Variants in MARCHF7 observed in about 807,000 individuals in gnomAD.
The protein encoded by MARCHF7 is E3 ubiquitin-protein ligase MARCHF7.
MARCHF7 carries 20 observed loss-of-function variants against 76.5 expected under a neutral mutation model. That is an observed-to-expected ratio of 0.26 (90% CI 0.18 to 0.38). The LOEUF is 0.38. Ranked by LOEUF, MARCHF7 falls within the 10% of genes least tolerant of loss-of-function variation. MARCHF7 has a pLI of 1.00. For synonymous variants in MARCHF7, 295 were observed against 293.0 expected (o/e 1.01, Z -0.07); for missense variants, 797 against 812.9 (o/e 0.98, Z 0.24).
chr2:159,753,301 G>A (rs1294856846), intron 8 of MARCHF7, among the ~76,000 whole-genome samples: 1 of 152,124 alleles, frequency 6.6e-6, no homozygotes, highest in African/African-American at 2.4e-5. Flanking sequence ...GCCGGGCGCG[G>A]TGGCTCATGC....
At chr2:159,753,069 A>G (rs1357352627) in intron 8 of MARCHF7, among the ~76,000 whole-genome samples, 1 of 152,140 alleles carries the variant, frequency 6.6e-6, no homozygotes, top group African/African-American at 2.4e-5. Flanking sequence ...TCTTGTAGTG[A>G]TATTGGGTGT....
chr2:159,764,502 C>G (rs1167697932), intron 10 of MARCHF7, 124 bp from the exon 11 acceptor site: 1 of 531,290 alleles, frequency 1.9e-6, no homozygotes, highest in Non-Finnish European at 3.1e-6. Context: ...GGAGAAAAAC[C>G]CCTATTTAAA....
Position 159,767,580 on chromosome 2 carries a change from G to C in MARCHF7, c.*238G>C. ...ATGTTTATAAACTGGTAATCAAAAA[G>C]GTTTTTTCTTTTAGGTGAGTGGGAA... On this transcript the variant is annotated 3_prime_UTR_variant, in exon 12 of 12. Coordinates refer to ENST00000409175, the MANE Select transcript of MARCHF7 (RefSeq NM_001282805.2). 2 of 345,642 alleles carry C rather than the reference G, an allele frequency of 5.8e-6. No homozygotes were observed. The highest frequency in any genetic ancestry group is 1.0e-5 in the Non-Finnish European group (2 of 191,536). The allele number at this position is 345,642 out of a possible 1,614,324, so 21.4% of individuals were successfully genotyped here. A position where few individuals can be genotyped will look rare whatever the true frequency, so the allele number is the denominator to read the frequency against.
intron 3 of MARCHF7, among the ~76,000 whole-genome samples, chr2:159,726,959 A>G (rs542248719): frequency 6.6e-6 from 1 of 152,358 alleles, no homozygotes; most frequent in African/African-American, 2.4e-5. Context: ...CTGCCTAGAA[A>G]CAATAGGTTA....
intron 3 of MARCHF7, among the ~76,000 whole-genome samples, chr2:159,728,471 C>G (rs1382540381): frequency 6.6e-6 from 1 of 152,032 alleles, no homozygotes; most frequent in Non-Finnish European, 1.5e-5. Flanking sequence ...GAAAGGTAAA[C>G]AAATTACAAT....
In MARCHF7 at chr2:159,748,832, T is replaced by G. The variant is rs1388507370; in HGVS notation, c.1542T>G (p.Ala514=). 1.2e-6 allele frequency: 2 copies of G among 1,614,044 alleles called. No individual in the cohort carries two copies. The highest frequency in any genetic ancestry group is 3.3e-5 in the Admixed American group (2 of 59,988). Residue 514 remains alanine (A), a synonymous_variant, in exon 7 of 12, where the codon GCT becomes GCG. Coordinates refer to ENST00000409175, the MANE Select transcript of MARCHF7 (RefSeq NM_001282805.2). The stretch of plus-strand genomic sequence containing the variant: ...TTATTCCTTCAGGTTGGAATTCAGC[T>G]GATGGTAAAAGTGATAAAACTAAAA... ...VDIIPSGWNS[A]DGKSDKTKSA...
chr2:159,730,415 G>A (rs905336752), intron 4 of MARCHF7, among the ~76,000 whole-genome samples: 3 of 152,138 alleles, frequency 2.0e-5, no homozygotes, highest in African/African-American at 7.2e-5. Flanking sequence ...TTCGTACACA[G>A]TAGTAAGCAT....
At position 159,748,593 on chromosome 2, in the gene MARCHF7, G is replaced by A. The variant is rs1705186551; in HGVS notation, c.1303G>A (p.Glu435Lys). The stretch of plus-strand genomic sequence containing the variant: ...AGAATCAAATGAAGTGGTTCACCTT[G>A]AAGCACAGAATGATCCTCTTGGAGC... ...RRESNEVVHL[E>K]AQNDPLGAAA... The change falls in exon 7 of 12, where the codon GAA becomes AAA. Residue 435 changes from glutamate (E) to lysine (K), a missense_variant. By Grantham distance (56) the Glu-to-Lys change is moderately conservative. This residue lies in a region of MARCHF7 where 643 missense variants were observed against 631.5 expected (regional missense o/e 1.02). Coordinates refer to ENST00000409175, the MANE Select transcript of MARCHF7 (RefSeq NM_001282805.2). The A allele has an allele frequency of 2.5e-6, 4 of 1,614,226 alleles. No individual in the cohort carries two copies. Among genetic ancestry groups the A allele is most frequent in the Non-Finnish European group, 3.4e-6 (4 of 1,180,038 alleles).
intron 4 of MARCHF7, among the ~76,000 whole-genome samples, chr2:159,735,834 A>G (rs1342434926): frequency 6.6e-6 from 1 of 152,160 alleles, no homozygotes; most frequent in African/African-American, 2.4e-5. Context: ...TGTGTTTGGT[A>G]TGTACTAAGT....
At chr2:159,745,204 A>G (rs1704702125) in intron 5 of MARCHF7, among the ~76,000 whole-genome samples, 1 of 152,200 alleles carries the variant, frequency 6.6e-6, no homozygotes, top group Admixed American at 6.5e-5. Context: ...TGATTGAGAC[A>G]TTGACATTGT....
At chr2:159,757,010 A>AG (rs1214779068) in intron 8 of MARCHF7, among the ~76,000 whole-genome samples, 1 of 152,130 alleles carries the variant, frequency 6.6e-6, no homozygotes, top group African/African-American at 2.4e-5. Context: ...CTCCTGCCTC[A>AG]GCCTCCTAAG....
chr2:159,731,961 G>A (rs796291480), intron 4 of MARCHF7, among the ~76,000 whole-genome samples: 36 of 151,496 alleles, frequency 2.4e-4, no homozygotes, highest in African/African-American at 7.5e-4. Flanking sequence ...AAAATTAGCC[G>A]GGCGTGGTGG....
chr2:159,717,490 G>T (rs899819247), intron 3 of MARCHF7, among the ~76,000 whole-genome samples: 2 of 147,860 alleles, frequency 1.4e-5, no homozygotes, highest in Non-Finnish European at 3.0e-5. Context: ...CTGTACCTTT[G>T]TGTATGTTTA....
intron 1 of MARCHF7, 91 bp downstream of exon 1, chr2:159,712,697 G>GGC (rs1700323979): frequency 6.6e-6 from 1 of 152,314 alleles, no homozygotes; most frequent in Non-Finnish European, 1.5e-5. Flanking sequence ...CTCCGTCTTG[G>GGC]GCGCTAGTTC....
chr2:159,748,590 C>T lies in MARCHF7; in HGVS notation c.1300C>T (p.Leu434Phe), dbSNP rs1163053164. 1 of 1,614,222 alleles carries T rather than the reference C, an allele frequency of 6.2e-7. No homozygotes were observed. The highest frequency in any genetic ancestry group is 8.5e-7 in the Non-Finnish European group (1 of 1,180,036). The change falls in exon 7 of 12, where the codon CTT becomes TTT. Residue 434 changes from leucine to phenylalanine, a missense_variant. Around this residue, in one of 3 missense-constraint regions of MARCHF7, gnomAD observed 643 missense variants for 631.5 expected, o/e 1.02. Transcript: ENST00000409175. ...FRRESNEVVH[L>F]EAQNDPLGAA... ...AAGAGAATCAAATGAAGTGGTTCAC[C>T]TTGAAGCACAGAATGATCCTCTTGG...
chr2:159,748,973 C>CTTTTTTTTTTTTTTTTTTTTTTTTTT (rs1210018083), intron 7 of MARCHF7, 70 bp downstream of exon 7: 1 of 655,842 alleles, frequency 1.5e-6, no homozygotes, highest in Non-Finnish European at 2.1e-6. Context: ...TCTTTTTTTT[C>CTTTTTTTTTTTTTTTTTTTTTTTTTT]TTTTCTTTTT....
intron 4 of MARCHF7, among the ~76,000 whole-genome samples, chr2:159,739,208 A>G (rs559740733): frequency 3.3e-5 from 5 of 152,160 alleles, no homozygotes; most frequent in Non-Finnish European, 4.4e-5. Context: ...CACCCCACCA[A>G]CTTGGAAGTG....
rs185732332 is a variant in MARCHF7, at chr2:159,757,781, A to G, written c.1784-1445A>G. ...GAGAATCTGTAGTAAATTATCTCCA[A>G]GGTCCATATTACATTTTCATGTATG... On this transcript the variant is annotated intron_variant, in intron 8 of 11. Coordinates refer to ENST00000409175, the MANE Select transcript of MARCHF7 (RefSeq NM_001282805.2). 3.3e-5 allele frequency among the ~76,000 whole-genome samples: 5 copies of G among 152,368 alleles called. No homozygotes were observed. The East Asian group carries it at 9.6e-4, about 29-fold the overall frequency.
intron 4 of MARCHF7, among the ~76,000 whole-genome samples, chr2:159,737,397 G>T (rs909993896): frequency 2.2e-4 from 33 of 152,130 alleles, no homozygotes; most frequent in Non-Finnish European, 1.5e-5. Context: ...TATATTAATG[G>T]CTGATAAGCA....
Sources: allele counts gnomAD v4.1 joint callset (sites outside exome capture counted in the v4.1 genomes callset), GRCh38; gene constraint gnomAD v4.1.1; regional missense constraint gnomAD v4.1.1; transcripts MANE v1.5; gene names NCBI Gene and HGNC (gene_info 2026-07-23, HGNC 2026-07-21).